CDH13: variants seen among roughly 807,000 people sequenced by gnomAD.
CDH13 encodes the protein cadherin-13.
A neutral mutation model predicts 63.8 loss-of-function variants in CDH13; 24 were observed. The ratio of observed to expected loss-of-function variants is 0.38; its 90% CI spans 0.27 to 0.53. The LOEUF (loss-of-function observed/expected upper bound fraction) is 0.53. CDH13 is among the 20% of genes least tolerant of loss of function. The pLI is 0.85. For missense variants in CDH13, 1,049 were observed against 903.1 expected (o/e 1.16, Z -2.07); for synonymous variants, 503 against 355.3 (o/e 1.42, Z -4.67).
At chr16:82,811,074 A>G (rs916669031) in intron 1 of CDH13, among the ~76,000 whole-genome samples, 15 of 152,288 alleles carry the variant, frequency 9.8e-5, no homozygotes, top group African/African-American at 3.6e-4. Context: ...ATGCTATACC[A>G]TATTTATACT....
chr16:83,537,830 C>A (rs1235123537), intron 7 of CDH13, among the ~76,000 whole-genome samples: 2 of 152,162 alleles, frequency 1.3e-5, no homozygotes, highest in Non-Finnish European at 2.9e-5. Flanking sequence ...TTATACCAAT[C>A]TTCCCATGTT....
intron 6 of CDH13, among the ~76,000 whole-genome samples, chr16:83,363,876 A>G (rs527743807): frequency 6.6e-5 from 10 of 152,180 alleles, no homozygotes; most frequent in Non-Finnish European, 5.9e-5. Flanking sequence ...AATGAATATC[A>G]GAGAGGGTCA....
At chr16:82,987,355 G>C (rs1472392515) in intron 2 of CDH13, among the ~76,000 whole-genome samples, 1 of 149,876 alleles carries the variant, frequency 6.7e-6, no homozygotes, top group Non-Finnish European at 1.5e-5. Context: ...TTTTTGTTTT[G>C]TTTTGTTTTG....
At chr16:83,298,766 C>T (rs2089662745) in intron 5 of CDH13, among the ~76,000 whole-genome samples, 1 of 152,196 alleles carries the variant, frequency 6.6e-6, no homozygotes, top group Admixed American at 6.5e-5. Context: ...ATGCCTGCTT[C>T]ACTGAGCATT....
chr16:83,748,294 C>G (rs1448539109), intron 11 of CDH13, 44 bp downstream of exon 11: 1 of 1,528,176 alleles, frequency 6.5e-7, no homozygotes, highest in African/African-American at 1.4e-5. Flanking sequence ...TTTTCTGCTA[C>G]AAATATACTT....
chr16:83,085,183 G>A (rs74563365), intron 3 of CDH13, among the ~76,000 whole-genome samples: 1 of 151,852 alleles, frequency 6.6e-6, no homozygotes, highest in Non-Finnish European at 1.5e-5. Flanking sequence ...ATGACAGGGG[G>A]CAAAAGGCAC....
At chr16:83,162,310 A>G (rs538326152) in intron 4 of CDH13, among the ~76,000 whole-genome samples, 5 of 152,246 alleles carry the variant, frequency 3.3e-5, no homozygotes, top group East Asian at 1.9e-4. Flanking sequence ...GATGACAAAG[A>G]TGCTTTCATG....
At chr16:83,380,767 A>G (rs187979079) in intron 6 of CDH13, among the ~76,000 whole-genome samples, 2 of 151,564 alleles carry the variant, frequency 1.3e-5, no homozygotes, top group African/African-American at 2.4e-5. Flanking sequence ...AGAATTCATC[A>G]CATGGCCATG....
chr16:83,475,630 G>A (rs1308722326), intron 6 of CDH13, among the ~76,000 whole-genome samples: 1 of 152,178 alleles, frequency 6.6e-6, no homozygotes, highest in Non-Finnish European at 1.5e-5. Flanking sequence ...CACCCAGGCT[G>A]GAGTGCAGTG....
At chr16:83,692,247 C>T (rs1317885522) in intron 10 of CDH13, among the ~76,000 whole-genome samples, 1 of 152,184 alleles carries the variant, frequency 6.6e-6, no homozygotes, top group African/African-American at 2.4e-5. Flanking sequence ...TGCTGATAGC[C>T]ACAGCAAAAA....
At chr16:83,794,315 G>A (rs899843967) in intron 13 of CDH13, among the ~76,000 whole-genome samples, 1 of 152,236 alleles carries the variant, frequency 6.6e-6, no homozygotes, top group Non-Finnish European at 1.5e-5. Context: ...CACTTTGGGA[G>A]GCCAAGATGG....
At chr16:83,532,017 G>A (rs995151715) in intron 7 of CDH13, among the ~76,000 whole-genome samples, 1 of 152,112 alleles carries the variant, frequency 6.6e-6, no homozygotes, top group Non-Finnish European at 1.5e-5. Flanking sequence ...ATGGGGGCAG[G>A]TCTTTCCTGT....
At chr16:83,462,422 G>A (rs146119114) in intron 6 of CDH13, among the ~76,000 whole-genome samples, 1 of 152,254 alleles carries the variant, frequency 6.6e-6, no homozygotes, top group African/African-American at 2.4e-5. Flanking sequence ...CAAGGGTCAG[G>A]GACAGCTTAC....
In CDH13 at chr16:83,163,653, C is replaced by G. The variant is rs149078386; in HGVS notation, c.483+38152C>G. ...AGCCAAAGTGTGTCATCTCCACTCT[C>G]TTTCTTTCCTTGGTACCATGGATGT... is the stretch of plus-strand genomic sequence containing the variant. On this transcript the variant is annotated intron_variant, in intron 4 of 13. Transcript: ENST00000567109. Among the ~76,000 whole-genome samples the G allele has an allele frequency of 2.6e-5, 4 of 152,210 alleles. No individual in the cohort carries two copies. The East Asian group carries it at 7.7e-4, about 29-fold the overall frequency.
intron 2 of CDH13, among the ~76,000 whole-genome samples, chr16:82,998,947 C>T (rs1025381284): frequency 1.4e-5 from 2 of 145,932 alleles, no homozygotes; most frequent in African/African-American, 5.2e-5. Context: ...CTTTCATTCT[C>T]TGCCGCTGTA....
chr16:83,259,555 C>T (rs1249232311), intron 5 of CDH13, among the ~76,000 whole-genome samples: 1 of 151,886 alleles, frequency 6.6e-6, no homozygotes, highest in East Asian at 1.9e-4. Flanking sequence ...AAATGTGCGA[C>T]ATAGTACTTA....
intron 1 of CDH13, among the ~76,000 whole-genome samples, chr16:82,837,833 C>G (rs2038833757): frequency 6.6e-6 from 1 of 152,210 alleles, no homozygotes. Flanking sequence ...TTCATACAAA[C>G]ATGAGGCACT....
At chr16:82,778,748 C>G (rs766685857) in intron 1 of CDH13, among the ~76,000 whole-genome samples, 1 of 152,062 alleles carries the variant, frequency 6.6e-6, no homozygotes, top group African/African-American at 2.4e-5. Context: ...TGAACAACAG[C>G]TTTAAAGCAC....
intron 2 of CDH13, among the ~76,000 whole-genome samples, chr16:83,030,659 A>G (rs1182536268): frequency 2.7e-5 from 4 of 150,936 alleles, no homozygotes; most frequent in African/African-American, 7.3e-5. Context: ...AAAAAAAAAA[A>G]AAAAGCACCC....
Sources: gnomAD v4.1 joint callset for allele counts (sites outside exome capture counted in the v4.1 genomes callset) on GRCh38, gnomAD v4.1.1 for gene constraint, MANE v1.5 for transcripts, NCBI Gene and HGNC (gene_info 2026-07-23, HGNC 2026-07-21) for gene names.